The following MACROD2 variants were observed in gnomAD, a reference collection of about 807,000 sequenced individuals.
MACROD2 encodes ADP-ribose glycohydrolase MACROD2.
MACROD2 carries 36 observed loss-of-function variants against 70.4 expected under a neutral mutation model. That is an observed-to-expected ratio of 0.51 (90% CI 0.39 to 0.68). The LOEUF is 0.68. Ranked by LOEUF, MACROD2 falls within the 30% of genes least tolerant of loss-of-function variation. MACROD2 has a pLI of 0.00. For synonymous variants in MACROD2, 172 were observed against 178.8 expected (o/e 0.96, Z 0.30); for missense variants, 496 against 538.4 (o/e 0.92, Z 0.78).
At chr20:15,933,040 G>A (rs2065602858) in intron 10 of MACROD2, among the ~76,000 whole-genome samples, 1 of 152,130 alleles carries the variant, frequency 6.6e-6, no homozygotes, top group Admixed American at 6.6e-5. Flanking sequence ...AGTGAATTTT[G>A]TTTACTGCGG....
At chr20:14,552,791 T>G (rs1201750595) in intron 4 of MACROD2, among the ~76,000 whole-genome samples, 1 of 152,060 alleles carries the variant, frequency 6.6e-6, no homozygotes, top group Non-Finnish European at 1.5e-5. Flanking sequence ...CAGTAAAAAT[T>G]TGACACAAAA....
chr20:15,092,311 G>C (rs1601061375), intron 5 of MACROD2, among the ~76,000 whole-genome samples: 2 of 150,416 alleles, frequency 1.3e-5, no homozygotes, highest in East Asian at 3.9e-4. Flanking sequence ...AGTGATTACA[G>C]GTACACACAT....
intron 5 of MACROD2, among the ~76,000 whole-genome samples, chr20:15,187,789 A>T (rs140756178): frequency 6.6e-4 from 100 of 152,236 alleles, no homozygotes; most frequent in Admixed American, 1.2e-3. Context: ...CAAGCCTGCT[A>T]TTTGTTCATT....
chr20:15,278,367 T>C (rs1438852436), intron 6 of MACROD2, among the ~76,000 whole-genome samples: 1 of 152,162 alleles, frequency 6.6e-6, no homozygotes, highest in Non-Finnish European at 1.5e-5. Flanking sequence ...CAAATGGCTG[T>C]TTCCTGTCTT....
At chr20:15,648,474 C>T (rs578021865) in intron 8 of MACROD2, among the ~76,000 whole-genome samples, 2 of 152,144 alleles carry the variant, frequency 1.3e-5, no homozygotes, top group Non-Finnish European at 2.9e-5. Flanking sequence ...ATCATTGTGG[C>T]CTTCCCTGAC....
At chr20:14,629,732 T>G (rs1984392023) in intron 4 of MACROD2, among the ~76,000 whole-genome samples, 1 of 152,190 alleles carries the variant, frequency 6.6e-6, no homozygotes, top group Admixed American at 6.5e-5. Flanking sequence ...TACAAAGATG[T>G]GCTGTCAATG....
chr20:15,066,752 G>C (rs911586852), intron 5 of MACROD2, among the ~76,000 whole-genome samples: 1 of 151,824 alleles, frequency 6.6e-6, no homozygotes, highest in Admixed American at 6.6e-5. Context: ...CGTGGTGGTG[G>C]GCACCTGTAA....
At chr20:14,303,315 C>G (rs1442259141) in intron 3 of MACROD2, among the ~76,000 whole-genome samples, 1 of 152,188 alleles carries the variant, frequency 6.6e-6, no homozygotes, top group East Asian at 1.9e-4. Context: ...CTGCCTGACG[C>G]TGGCCGTAGA....
At position 15,976,722 on chromosome 20, in the gene MACROD2, ATTAAC is replaced by A. The variant is rs543499013; in HGVS notation, c.985+9095_985+9099del. 1.3e-3 allele frequency among the ~76,000 whole-genome samples: 198 copies of A among 151,890 alleles called. 1 individual carries two copies. The highest frequency in any genetic ancestry group is 4.4e-3 in the African/African-American group (184 of 41,370). On this transcript the variant is annotated intron_variant, in intron 13 of 17. Coordinates refer to ENST00000684519, the MANE Select transcript of MACROD2 (RefSeq NM_001351661.2). ...TGTTTTGTTTCTTCCCCCATTTTTAATTAACTTTATTTAAGAAAAATGAGAAAAAA... is the reference window on the plus strand; with the variant it reads ...TGTTTTGTTTCTTCCCCCATTTTTAATTTATTTAAGAAAAATGAGAAAAAA...
At chr20:15,607,116 G>A (rs896184358) in intron 8 of MACROD2, among the ~76,000 whole-genome samples, 2 of 152,080 alleles carry the variant, frequency 1.3e-5, no homozygotes, top group African/African-American at 4.8e-5. Context: ...AGGAGTTCAC[G>A]ATCAGCCTAG....
intron 10 of MACROD2, among the ~76,000 whole-genome samples, chr20:15,921,016 A>G (rs1467209634): frequency 2.0e-5 from 3 of 152,032 alleles, no homozygotes; most frequent in African/African-American, 7.2e-5. Context: ...GGCTTCTGCT[A>G]TCTCTTGTGG....
At chr20:15,316,532 G>A (rs1032751583) in intron 6 of MACROD2, among the ~76,000 whole-genome samples, 1 of 152,006 alleles carries the variant, frequency 6.6e-6, no homozygotes, top group African/African-American at 2.4e-5. Flanking sequence ...AAACAACAGA[G>A]CCAAAAGATA....
At chr20:15,361,991 G>A (rs944150807) in intron 6 of MACROD2, among the ~76,000 whole-genome samples, 2 of 150,570 alleles carry the variant, frequency 1.3e-5, no homozygotes, top group Non-Finnish European at 2.9e-5. Flanking sequence ...CTCAAATAAG[G>A]ACAGTCTTAT....
intron 8 of MACROD2, among the ~76,000 whole-genome samples, chr20:15,646,031 A>G (rs73103784): frequency 0.038 from 5,798 of 152,148 alleles, 125 homozygotes; most frequent in Middle Eastern, 0.092. Context: ...TTTAAATTGT[A>G]CTGGTTCCAC....
intron 8 of MACROD2, among the ~76,000 whole-genome samples, chr20:15,845,210 TA>T (rs1399891526): frequency 6.6e-5 from 10 of 152,172 alleles, no homozygotes; most frequent in Admixed American, 1.3e-4. Context: ...AGGTAGATCC[TA>T]ATTCCAATGA....
At chr20:15,963,276 T>G (rs528716680) in intron 12 of MACROD2, among the ~76,000 whole-genome samples, 9 of 151,448 alleles carry the variant, frequency 5.9e-5, no homozygotes, top group African/African-American at 1.7e-4. Flanking sequence ...TGTATAGCAG[T>G]TTTTTTTTGG....
chr20:14,053,409 G>A (rs561430216), intron 2 of MACROD2: 1 of 152,192 alleles, frequency 6.6e-6, no homozygotes, highest in African/African-American at 2.4e-5. Flanking sequence ...AAAACAGCTA[G>A]TGCTTCAGTC....
chr20:15,319,368 T>C (rs762822822), intron 6 of MACROD2, among the ~76,000 whole-genome samples: 2 of 152,236 alleles, frequency 1.3e-5, no homozygotes, highest in Non-Finnish European at 2.9e-5. Context: ...ATTGTTAAGA[T>C]GGCAAAAATA....
At chr20:15,809,503 C>G (rs959810593) in intron 8 of MACROD2, among the ~76,000 whole-genome samples, 2 of 152,162 alleles carry the variant, frequency 1.3e-5, no homozygotes, top group African/African-American at 4.8e-5. Context: ...AAAAGAGAGC[C>G]AATGTGTGCA....
Sources: allele counts gnomAD v4.1 joint callset (sites outside exome capture counted in the v4.1 genomes callset), GRCh38; gene constraint gnomAD v4.1.1; transcripts MANE v1.5; gene names NCBI Gene and HGNC (gene_info 2026-07-23, HGNC 2026-07-21).